Variants in CNTNAP2 observed in about 807,000 individuals in gnomAD.
CNTNAP2 encodes the protein contactin-associated protein-like 2.
A neutral mutation model predicts 155.2 loss-of-function variants in CNTNAP2; 98 were observed. That is an observed-to-expected ratio of 0.63 (90% CI 0.54 to 0.75). The LOEUF (loss-of-function observed/expected upper bound fraction) is 0.75, where lower values mean the gene tolerates loss of function less well. CNTNAP2 is among the 30% of genes least tolerant of loss of function. The probability of loss-of-function intolerance (pLI) is 0.00; values close to 1 mark genes in which losing one functional copy is unlikely to be tolerated. For missense variants in CNTNAP2, 1,727 were observed against 1,688.1 expected, an observed-to-expected ratio of 1.02 and a Z score of -0.40; for synonymous variants, 651 against 631.2, an observed-to-expected ratio of 1.03 and a Z score of -0.47.
At position 146,385,265 on chromosome 7, in the gene CNTNAP2, A is replaced by T. The variant is rs145488359; in HGVS notation, c.97+268292A>T. Reference sequence around the variant, plus strand: ...GCTCTTCCAGGGCTAGAAAAGTCCTAAAGGGCTTGCCTAGGGATTAAAGTT... The same window carrying T: ...GCTCTTCCAGGGCTAGAAAAGTCCTTAAGGGCTTGCCTAGGGATTAAAGTT... On this transcript the variant is annotated intron_variant, in intron 1 of 23. Transcript: ENST00000361727. Among the ~76,000 whole-genome samples, 338 of 152,306 alleles carry T rather than the reference A, an allele frequency of 2.2e-3. 4 individuals are homozygous for T. The Middle Eastern group carries it at 0.037, about 17-fold the overall frequency.
At chr7:146,329,195 T>G (rs1364330871) in intron 1 of CNTNAP2, among the ~76,000 whole-genome samples, 1 of 152,172 alleles carries the variant, frequency 6.6e-6, no homozygotes, top group African/African-American at 2.4e-5. Flanking sequence ...CTAACAGGTG[T>G]GAGGTTCTAT....
chr7:147,465,392 G>C (rs1016796568), intron 10 of CNTNAP2, among the ~76,000 whole-genome samples: 3 of 152,180 alleles, frequency 2.0e-5, no homozygotes, highest in African/African-American at 7.2e-5. Context: ...TGATGTCAGT[G>C]GTCTTTGCTG....
At chr7:146,133,972 G>A (rs1797757905) in intron 1 of CNTNAP2, among the ~76,000 whole-genome samples, 1 of 150,594 alleles carries the variant, frequency 6.6e-6, no homozygotes, top group Non-Finnish European at 1.5e-5. Context: ...TAGCTTGATG[G>A]GGATGGCATT....
At chr7:147,517,968 T>C (rs1799158431) in intron 11 of CNTNAP2, among the ~76,000 whole-genome samples, 1 of 152,186 alleles carries the variant, frequency 6.6e-6, no homozygotes, top group Admixed American at 6.5e-5. Context: ...ACTCAATCTA[T>C]TGTCCCAGGT....
chr7:146,595,319 C>A (rs1449428606), intron 1 of CNTNAP2, among the ~76,000 whole-genome samples: 1 of 151,846 alleles, frequency 6.6e-6, no homozygotes, highest in African/African-American at 2.4e-5. Flanking sequence ...AAATCATCCT[C>A]CAAAGATACT....
At chr7:147,121,471 A>G (rs1801109955) in intron 6 of CNTNAP2, 6 of 302,608 alleles carry the variant, frequency 2.0e-5, no homozygotes, top group South Asian at 1.6e-4. Flanking sequence ...TTGGTAGTTA[A>G]TCATGTTATC....
chr7:147,781,460 G>T (rs1389950936), intron 13 of CNTNAP2, among the ~76,000 whole-genome samples: 2 of 152,194 alleles, frequency 1.3e-5, no homozygotes, highest in Non-Finnish European at 2.9e-5. Context: ...CTTGGATAGT[G>T]CTGACGGGGT....
intron 22 of CNTNAP2, among the ~76,000 whole-genome samples, chr7:148,388,097 C>T (rs1366448077): frequency 6.6e-6 from 1 of 152,230 alleles, no homozygotes; most frequent in Admixed American, 6.5e-5. Context: ...GGGCAACCAG[C>T]AGCCCTTGGG....
At chr7:147,989,214 C>A (rs945989261) in intron 15 of CNTNAP2, among the ~76,000 whole-genome samples, 1 of 152,206 alleles carries the variant, frequency 6.6e-6, no homozygotes, top group Non-Finnish European at 1.5e-5. Flanking sequence ...AGCCAACAGG[C>A]CACGCTTAGG....
chr7:147,016,915 G>A (rs535268072), intron 3 of CNTNAP2, among the ~76,000 whole-genome samples: 37 of 151,852 alleles, frequency 2.4e-4, no homozygotes, highest in African/African-American at 4.3e-4. Flanking sequence ...AAATGTGTCC[G>A]GCCAATGGAC....
chr7:146,892,717 A>G (rs940038157), intron 3 of CNTNAP2, among the ~76,000 whole-genome samples: 1 of 152,226 alleles, frequency 6.6e-6, no homozygotes, highest in Non-Finnish European at 1.5e-5. Flanking sequence ...CAGAGGTTGC[A>G]GTGAACTGAG....
At chr7:146,773,593 C>G (rs1312903160) in intron 1 of CNTNAP2, among the ~76,000 whole-genome samples, 1 of 152,144 alleles carries the variant, frequency 6.6e-6, no homozygotes, top group African/African-American at 2.4e-5. Context: ...TGGGGTTTCT[C>G]CTGTTGGTCA....
chr7:147,445,893 C>T (rs1385051868), intron 10 of CNTNAP2, among the ~76,000 whole-genome samples: 1 of 152,024 alleles, frequency 6.6e-6, no homozygotes, highest in Non-Finnish European at 1.5e-5. Context: ...TTCGTGGGCT[C>T]AAGTGATCAT....
At chr7:147,890,661 A>T (rs2538974) in intron 13 of CNTNAP2, among the ~76,000 whole-genome samples, 86,564 of 152,044 alleles carry the variant, frequency 0.57, 25,237 homozygotes, top group African/African-American at 0.69. Context: ...GGAACACAGA[A>T]GAACATAGAA....
chr7:147,012,541 ATAG>A (rs1191944109), intron 3 of CNTNAP2, among the ~76,000 whole-genome samples: 2 of 152,174 alleles, frequency 1.3e-5, no homozygotes, highest in Non-Finnish European at 2.9e-5. Flanking sequence ...TTGAACCTAA[ATAG>A]TAGTTCTAAT....
intron 1 of CNTNAP2, among the ~76,000 whole-genome samples, chr7:146,440,574 G>A (rs1000108449): frequency 2.0e-5 from 3 of 151,506 alleles, no homozygotes; most frequent in Non-Finnish European, 4.4e-5. Context: ...TGCTGTCTGT[G>A]TGTATATCTT....
intron 1 of CNTNAP2, among the ~76,000 whole-genome samples, chr7:146,404,424 G>A (rs1459070072): frequency 6.6e-6 from 1 of 152,084 alleles, no homozygotes; most frequent in Non-Finnish European, 1.5e-5. Flanking sequence ...TGCAGCATCC[G>A]CAGCAACATC....
intron 12 of CNTNAP2, among the ~76,000 whole-genome samples, chr7:147,620,480 T>C (rs1003930509): frequency 1.3e-5 from 2 of 150,718 alleles, no homozygotes; most frequent in Non-Finnish European, 3.0e-5. Flanking sequence ...AACAAAGAGA[T>C]TAAAATAATT....
At chr7:148,349,681 G>A (rs1357430694) in intron 21 of CNTNAP2, among the ~76,000 whole-genome samples, 7 of 152,204 alleles carry the variant, frequency 4.6e-5, no homozygotes, top group South Asian at 4.1e-4. Flanking sequence ...GATTACAGGC[G>A]TGAGCCACCG....
Sources: allele counts gnomAD v4.1 joint callset (sites outside exome capture counted in the v4.1 genomes callset), GRCh38; gene constraint gnomAD v4.1.1; transcripts MANE v1.5; gene names NCBI Gene and HGNC (gene_info 2026-07-23, HGNC 2026-07-21).